The following AKAP6 variants were observed in gnomAD, a reference collection of about 807,000 sequenced individuals.
AKAP6 encodes the protein A-kinase anchor protein 6.
A neutral mutation model predicts 188.5 loss-of-function variants in AKAP6; 58 were observed. The ratio of observed to expected loss-of-function variants is 0.31; its 90% CI spans 0.25 to 0.38. AKAP6 has a LOEUF of 0.38. Ranked by LOEUF, AKAP6 falls within the 10% of genes least tolerant of loss-of-function variation. The pLI is 1.00. For missense variants in AKAP6, 2,710 were observed against 2,740.0 expected (o/e 0.99, Z 0.24); for synonymous variants, 989 against 998.6 (o/e 0.99, Z 0.18).
At chr14:32,565,041 G>A (rs947953498) in intron 4 of AKAP6, among the ~76,000 whole-genome samples, 2 of 152,166 alleles carry the variant, frequency 1.3e-5, no homozygotes, top group African/African-American at 4.8e-5. Context: ...ACAAAGTTGA[G>A]TGCATTGCAT....
Position 32,481,394 on chromosome 14 carries a change from C to T in AKAP6, c.324+47577C>T, listed in dbSNP as rs142549132. 1.5e-3 allele frequency among the ~76,000 whole-genome samples: 230 copies of T among 152,196 alleles called. 1 individual carries two copies. The highest frequency in any genetic ancestry group is 5.1e-3 in the African/African-American group (211 of 41,522). On this transcript the variant is annotated intron_variant, in intron 2 of 13. Coordinates refer to ENST00000280979, the MANE Select transcript of AKAP6 (RefSeq NM_004274.5). The stretch of plus-strand genomic sequence containing the variant: ...ATTCCTGTATTAGTTTGGTCTTATG[C>T]TGCTAATAAAGACATACCCGGGACT...
intron 9 of AKAP6, among the ~76,000 whole-genome samples, chr14:32,707,162 G>A (rs186258195): frequency 7.4e-5 from 11 of 149,658 alleles, no homozygotes; most frequent in East Asian, 5.8e-4. Flanking sequence ...ATATATACAC[G>A]TATACAAAGT....
chr14:32,650,135 A>G (rs1888147149), intron 7 of AKAP6, among the ~76,000 whole-genome samples: 1 of 152,172 alleles, frequency 6.6e-6, no homozygotes, highest in Admixed American at 6.5e-5. Context: ...TTTGGGTTCT[A>G]GTTCTTCCTT....
At chr14:32,549,707 G>A (rs533834416) in intron 4 of AKAP6, among the ~76,000 whole-genome samples, 133 of 152,288 alleles carry the variant, frequency 8.7e-4, no homozygotes, top group South Asian at 4.4e-3. Flanking sequence ...CTTAAGTCCC[G>A]GAAGGGAGGA....
At chr14:32,576,046 A>G (rs1040535307) in intron 4 of AKAP6, among the ~76,000 whole-genome samples, 1 of 152,126 alleles carries the variant, frequency 6.6e-6, no homozygotes, top group African/African-American at 2.4e-5. Flanking sequence ...ATCTTAAAAT[A>G]TTATCTAGGA....
intron 7 of AKAP6, among the ~76,000 whole-genome samples, chr14:32,665,463 GA>G (rs149513965): frequency 0.012 from 1,846 of 152,246 alleles, 39 homozygotes; most frequent in African/African-American, 0.042. Flanking sequence ...CATAGGGCGA[GA>G]AATAGGGTAA....
intron 2 of AKAP6, among the ~76,000 whole-genome samples, chr14:32,491,377 A>G (rs925774775): frequency 6.6e-6 from 1 of 152,192 alleles, no homozygotes; most frequent in African/African-American, 2.4e-5. Flanking sequence ...AAAGACCTCT[A>G]CTGTCATTCC....
At chr14:32,526,027 G>A (rs1882105020) in intron 2 of AKAP6, among the ~76,000 whole-genome samples, 1 of 152,042 alleles carries the variant, frequency 6.6e-6, no homozygotes, top group Admixed American at 6.6e-5. Flanking sequence ...TAAAAAGTCA[G>A]GATTATTCCC....
chr14:32,574,489 G>C (rs140174869), intron 4 of AKAP6, among the ~76,000 whole-genome samples: 35 of 152,176 alleles, frequency 2.3e-4, no homozygotes, highest in African/African-American at 8.4e-4. Context: ...GTGCTTTTTG[G>C]CTAAGACTAA....
chr14:32,586,900 C>T (rs1287680301), intron 5 of AKAP6, among the ~76,000 whole-genome samples: 1 of 152,084 alleles, frequency 6.6e-6, no homozygotes, highest in Non-Finnish European at 1.5e-5. Context: ...GAACAAATAC[C>T]TTTCATATGA....
At chr14:32,455,650 C>T in intron 2 of AKAP6, among the ~76,000 whole-genome samples, 1 of 152,092 alleles carries the variant, frequency 6.6e-6, no homozygotes, top group Non-Finnish European at 1.5e-5. Context: ...TTTGCTTGCC[C>T]TCTCCTCTTT....
chr14:32,631,387 G>A (rs998062843), intron 7 of AKAP6, among the ~76,000 whole-genome samples: 2 of 151,924 alleles, frequency 1.3e-5, no homozygotes, highest in African/African-American at 4.8e-5. Flanking sequence ...GAAACTTTAT[G>A]ATTTCCTGAT....
chr14:32,820,011 C>T (rs776700914), intron 12 of AKAP6, among the ~76,000 whole-genome samples: 6 of 152,072 alleles, frequency 3.9e-5, no homozygotes, highest in Non-Finnish European at 7.4e-5. Context: ...CTCAGCACTT[C>T]GCAAGCACTA....
chr14:32,786,296 A>ATTTTTT, intron 12 of AKAP6, among the ~76,000 whole-genome samples: 2 of 93,704 alleles, frequency 2.1e-5, no homozygotes, highest in South Asian at 3.7e-4. Context: ...CTAAACCTTT[A>ATTTTTT]TCTTTTTTTT....
chr14:32,493,894 G>T (rs1385088489), intron 2 of AKAP6, among the ~76,000 whole-genome samples: 6 of 152,156 alleles, frequency 3.9e-5, no homozygotes, highest in African/African-American at 1.4e-4. Context: ...AGAACATTAA[G>T]ATGTCAGGCA....
At chr14:32,686,328 G>C (rs1889923936) in intron 8 of AKAP6, among the ~76,000 whole-genome samples, 1 of 151,990 alleles carries the variant, frequency 6.6e-6, no homozygotes, top group Admixed American at 6.6e-5. Flanking sequence ...GGTGTAGATG[G>C]TTAATGGGTT....
In AKAP6 at chr14:32,443,398, A is replaced by AAAC. The variant is rs201230337; in HGVS notation, c.324+9583_324+9584insCAA. On this transcript the variant is annotated intron_variant, in intron 2 of 13. Transcript: ENST00000280979. ...GCAGAGTAAGACTCCATCTCAAAAC[A>AAAC]AAACAAAACAAAAAAAAAACAAAAA... Among the ~76,000 whole-genome samples the AAAC allele has an allele frequency of 3.5e-3, 530 of 149,836 alleles. 2 individuals carry two copies. The highest frequency in any genetic ancestry group is 0.01 in the African/African-American group (427 of 40,962).
intron 5 of AKAP6, among the ~76,000 whole-genome samples, chr14:32,599,029 A>T (rs1885815403): frequency 6.6e-6 from 1 of 152,208 alleles, no homozygotes; most frequent in Non-Finnish European, 1.5e-5. Flanking sequence ...TTATGCTGCC[A>T]ATTTTTTATG....
intron 11 of AKAP6, among the ~76,000 whole-genome samples, chr14:32,740,802 A>G (rs946977507): frequency 1.3e-5 from 2 of 151,658 alleles, no homozygotes; most frequent in African/African-American, 4.8e-5. Flanking sequence ...GAAGTCAGGT[A>G]TACAGTTTTA....
Sources: allele counts gnomAD v4.1 joint callset (sites outside exome capture counted in the v4.1 genomes callset), GRCh38; gene constraint gnomAD v4.1.1; transcripts MANE v1.5; gene names NCBI Gene and HGNC (gene_info 2026-07-23, HGNC 2026-07-21).